The following GRM7 variants were observed in gnomAD, a reference collection of about 807,000 sequenced individuals.
The protein encoded by GRM7 is metabotropic glutamate receptor 7.
GRM7 carries 35 observed loss-of-function variants against 84.5 expected under a neutral mutation model. The observed-to-expected ratio is 0.41, with a 90% CI of 0.32 to 0.55. The LOEUF (loss-of-function observed/expected upper bound fraction) is 0.55, where lower values mean the gene tolerates loss of function less well. GRM7 is among the 20% of genes least tolerant of loss of function. The probability of loss-of-function intolerance (pLI) is 0.19; values close to 1 mark genes in which losing one functional copy is unlikely to be tolerated. For synonymous variants in GRM7, 487 were observed against 455.1 expected (o/e 1.07, Z -0.89); for missense variants, 1,003 against 1,194.6 (o/e 0.84, Z 2.36).
intron 8 of GRM7, among the ~76,000 whole-genome samples, chr3:7,619,151 G>A (rs1697247570): frequency 6.6e-6 from 1 of 152,032 alleles, no homozygotes; most frequent in Non-Finnish European, 1.5e-5. Flanking sequence ...GCAAATATGT[G>A]TCACGAAATG....
intron 5 of GRM7, among the ~76,000 whole-genome samples, chr3:7,423,140 G>A (rs1696464947): frequency 6.6e-6 from 1 of 152,116 alleles, no homozygotes; most frequent in African/African-American, 2.4e-5. Context: ...TTTTAATTCA[G>A]AGCACACTCC....
intron 1 of GRM7, among the ~76,000 whole-genome samples, chr3:7,086,145 C>G (rs1305106463): frequency 6.6e-6 from 1 of 152,096 alleles, no homozygotes; most frequent in Non-Finnish European, 1.5e-5. Flanking sequence ...ATTAGCATCA[C>G]TGGATTGATT....
chr3:7,027,649 T>G (rs1696027893), intron 1 of GRM7, among the ~76,000 whole-genome samples: 1 of 152,170 alleles, frequency 6.6e-6, no homozygotes, highest in Admixed American at 6.5e-5. Flanking sequence ...GCAAAAAACC[T>G]TGTAAGAGGT....
At chr3:6,905,841 C>A (rs1463813036) in intron 1 of GRM7, among the ~76,000 whole-genome samples, 1 of 152,096 alleles carries the variant, frequency 6.6e-6, no homozygotes, top group Non-Finnish European at 1.5e-5. Context: ...TGGTTCTTAT[C>A]CCCTATATCT....
chr3:7,449,020 A>G (rs1486302738), intron 5 of GRM7, among the ~76,000 whole-genome samples: 2 of 152,060 alleles, frequency 1.3e-5, no homozygotes, highest in African/African-American at 4.8e-5. Flanking sequence ...CATATTAAAA[A>G]TGAATAGCCT....
chr3:7,702,002 C>G (rs372458534), intron 9 of GRM7, among the ~76,000 whole-genome samples: 177 of 152,100 alleles, frequency 1.2e-3, no homozygotes, highest in African/African-American at 4.0e-3. Context: ...TGCATTGGAC[C>G]ACATGAAGTC....
intron 7 of GRM7, among the ~76,000 whole-genome samples, chr3:7,557,323 A>T (rs1423176347): frequency 2.6e-5 from 4 of 152,090 alleles, no homozygotes; most frequent in African/African-American, 4.8e-5. Context: ...GTTAAAATAG[A>T]CTCTAAAATT....
At chr3:7,025,584 C>T (rs1695953415) in intron 1 of GRM7, among the ~76,000 whole-genome samples, 1 of 152,174 alleles carries the variant, frequency 6.6e-6, no homozygotes, top group Non-Finnish European at 1.5e-5. Context: ...ATCCCTGAGT[C>T]ATGCCTGCAG....
intron 8 of GRM7, among the ~76,000 whole-genome samples, chr3:7,599,090 G>T (rs1275361619): frequency 6.6e-6 from 1 of 152,132 alleles, no homozygotes; most frequent in African/African-American, 2.4e-5. Flanking sequence ...TGAGAACAGA[G>T]ACTTCTATCT....
intron 1 of GRM7, among the ~76,000 whole-genome samples, chr3:6,883,374 T>C (rs567340622): frequency 6.6e-6 from 1 of 152,282 alleles, no homozygotes; most frequent in East Asian, 1.9e-4. Context: ...TTGTCTAGTC[T>C]ATTCAAAAAC....
chr3:7,038,737 C>T (rs992757919), intron 1 of GRM7, among the ~76,000 whole-genome samples: 1 of 152,094 alleles, frequency 6.6e-6, no homozygotes. Flanking sequence ...GAGGTTGATA[C>T]AATTATCATT....
intron 1 of GRM7, among the ~76,000 whole-genome samples, chr3:7,089,990 G>A (rs189645519): frequency 6.6e-5 from 10 of 152,014 alleles, no homozygotes; most frequent in African/African-American, 1.9e-4. Context: ...TTACAGGTGC[G>A]CACCACCATG....
chr3:7,298,748 T>G lies in GRM7; in HGVS notation c.801T>G (p.Phe267Leu). ...PQERKDRTID[F>L]DRIIKQLLDT... ...AACGCAAAGACAGGACCATTGACTT[T>G]GATAGAATTATCAAACAGCTCCTGG... The change falls in exon 3 of 10, where the codon TTT becomes TTG. Residue 267 changes from phenylalanine (F) to leucine (L), a missense_variant. Physicochemically the swap from Phe to Leu is conservative, Grantham distance 22. This residue lies in a region of GRM7 where 910 missense variants were observed against 1,126.0 expected (regional missense o/e 0.81). Transcript: ENST00000357716. The G allele has an allele frequency of 1.9e-6, 3 of 1,613,688 alleles. No individual in the cohort carries two copies. The highest frequency in any genetic ancestry group is 2.5e-6 in the Non-Finnish European group (3 of 1,179,648).
intron 1 of GRM7, among the ~76,000 whole-genome samples, chr3:6,967,215 G>A (rs1352018534): frequency 1.3e-5 from 2 of 151,982 alleles, no homozygotes; most frequent in African/African-American, 4.8e-5. Context: ...TGGAGACAGA[G>A]TCTGGCTCTG....
intron 1 of GRM7, among the ~76,000 whole-genome samples, chr3:6,877,728 C>T (rs1400287): frequency 0.064 from 9,614 of 151,180 alleles, 465 homozygotes; most frequent in East Asian, 0.21. Flanking sequence ...GATATAATTT[C>T]CTCAATTAAA....
intron 1 of GRM7, among the ~76,000 whole-genome samples, chr3:7,006,550 T>C (rs1272987640): frequency 6.6e-6 from 1 of 152,214 alleles, no homozygotes; most frequent in African/African-American, 2.4e-5. Flanking sequence ...TGTTTTGCCA[T>C]AGTAATAATA....
intron 9 of GRM7, among the ~76,000 whole-genome samples, chr3:7,691,928 G>A (rs549656772): frequency 6.6e-6 from 1 of 152,170 alleles, no homozygotes; most frequent in South Asian, 2.1e-4. Context: ...CAAAGTGCTG[G>A]GATTACAGGT....
intron 4 of GRM7, among the ~76,000 whole-genome samples, chr3:7,396,167 C>G (rs1258636672): frequency 6.6e-6 from 1 of 151,990 alleles, no homozygotes; most frequent in Non-Finnish European, 1.5e-5. Context: ...CCCAAGTACA[C>G]CTGGGAGAAA....
intron 2 of GRM7, among the ~76,000 whole-genome samples, chr3:7,165,362 A>G (rs1442800949): frequency 6.6e-6 from 1 of 152,238 alleles, no homozygotes; most frequent in African/African-American, 2.4e-5. Context: ...GGGAGAAAAA[A>G]ATTGAAGAAA....
Sources: gnomAD v4.1 joint callset for allele counts (sites outside exome capture counted in the v4.1 genomes callset) on GRCh38, gnomAD v4.1.1 for gene constraint, gnomAD v4.1.1 regional missense constraint, MANE v1.5 for transcripts, NCBI Gene and HGNC (gene_info 2026-07-23, HGNC 2026-07-21) for gene names.